Variants in UBE2D2 observed in about 807,000 individuals in gnomAD.
The protein encoded by UBE2D2 is ubiquitin conjugating enzyme E2 D2.
In UBE2D2, 2 loss-of-function variants were observed where a neutral mutation model predicts 24.2. The ratio of observed to expected loss-of-function variants is 0.08; its 90% CI spans 0.03 to 0.26. The LOEUF is 0.26. UBE2D2 is among the 10% of genes least tolerant of loss of function. The pLI, the probability that UBE2D2 is intolerant of heterozygous loss-of-function variation, is 1.00. For missense variants in UBE2D2, 44 were observed against 177.6 expected (o/e 0.25, Z 4.28); for synonymous variants, 58 against 56.5 (o/e 1.03, Z -0.12).
chr5:139,567,497 G>A (rs1463303352), intron 1 of UBE2D2, among the ~76,000 whole-genome samples: 1 of 151,028 alleles, frequency 6.6e-6, no homozygotes, highest in Non-Finnish European at 1.5e-5. Context: ...GGGATTACAG[G>A]GATGAGCCAC....
intron 1 of UBE2D2, among the ~76,000 whole-genome samples, chr5:139,566,956 C>T (rs1025791351): frequency 2.0e-5 from 3 of 150,618 alleles, no homozygotes; most frequent in African/African-American, 2.4e-5. Flanking sequence ...CATTTTTGGT[C>T]GACATCAGTT....
At chr5:139,562,787 A>AT (rs968395071) in intron 1 of UBE2D2, among the ~76,000 whole-genome samples, 15 of 151,466 alleles carry the variant, frequency 9.9e-5, no homozygotes, top group African/African-American at 2.2e-4. Context: ...CTTAAAATTT[A>AT]TTTTTTTTCC....
intron 1 of UBE2D2, among the ~76,000 whole-genome samples, chr5:139,581,660 AGTTT>A (rs576107646): frequency 8.4e-4 from 127 of 151,982 alleles, no homozygotes; most frequent in Admixed American, 2.2e-3. Context: ...AATTTTATGT[AGTTT>A]GTTTGTTTGT....
At chr5:139,613,610 T>C (rs1754367751) in intron 2 of UBE2D2, among the ~76,000 whole-genome samples, 1 of 152,228 alleles carries the variant, frequency 6.6e-6, no homozygotes, top group Non-Finnish European at 1.5e-5. Context: ...TTTTCTCTTT[T>C]TTCCTCTTTA....
chr5:139,614,436 A>T, intron 2 of UBE2D2, 150 bp from the exon 3 acceptor site: 1 of 909,240 alleles, frequency 1.1e-6, no homozygotes, highest in Non-Finnish European at 1.7e-6. Flanking sequence ...TTGTTTCTTT[A>T]GACTGTTAAT....
intron 6 of UBE2D2, 91 bp from the exon 7 acceptor site, chr5:139,626,665 C>A: frequency 1.9e-6 from 2 of 1,069,632 alleles, no homozygotes; most frequent in Non-Finnish European, 2.9e-6. Flanking sequence ...ATAAGCTACT[C>A]TCTTCAAGTT....
At chr5:139,548,193 A>AAAT (rs1752862660) in intron 1 of UBE2D2, among the ~76,000 whole-genome samples, 21 of 47,092 alleles carry the variant, frequency 4.5e-4, no homozygotes, top group South Asian at 2.6e-3. Flanking sequence ...ATAAAAAAAA[A>AAAT]AAATAAATAA....
chr5:139,570,944 C>T (rs952262934), intron 1 of UBE2D2, among the ~76,000 whole-genome samples: 3 of 152,180 alleles, frequency 2.0e-5, no homozygotes, highest in Non-Finnish European at 4.4e-5. Flanking sequence ...AGAATGGCTA[C>T]TCCCTAGGCA....
chr5:139,586,280 G>T (rs1434713913), intron 1 of UBE2D2, among the ~76,000 whole-genome samples: 1 of 151,706 alleles, frequency 6.6e-6, no homozygotes, highest in Non-Finnish European at 1.5e-5. Context: ...TGTGTAAACT[G>T]CAATTTATTG....
chr5:139,536,438 A>T (rs1405782349), intron 1 of UBE2D2, among the ~76,000 whole-genome samples: 1 of 151,902 alleles, frequency 6.6e-6, no homozygotes, highest in African/African-American at 2.4e-5. Flanking sequence ...ATCTTGGCTC[A>T]CTGCAACCTC....
At chr5:139,592,043 A>G (rs1485238818) in intron 1 of UBE2D2, among the ~76,000 whole-genome samples, 1 of 152,240 alleles carries the variant, frequency 6.6e-6, no homozygotes, top group East Asian at 1.9e-4. Flanking sequence ...CTCTACTAAA[A>G]GTACAAAAAT....
At chr5:139,589,446 G>A (rs1426597795) in intron 1 of UBE2D2, among the ~76,000 whole-genome samples, 1 of 152,092 alleles carries the variant, frequency 6.6e-6, no homozygotes, top group Non-Finnish European at 1.5e-5. Context: ...TGTAGTCCTA[G>A]CTACTTGGGA....
chr5:139,590,779 C>CTTTTTT (rs1561513230), intron 1 of UBE2D2, among the ~76,000 whole-genome samples: 2 of 55,992 alleles, frequency 3.6e-5, no homozygotes, highest in African/African-American at 6.9e-5. Context: ...ATTTTCTCTT[C>CTTTTTT]TTCTTTTTTT....
At chr5:139,532,323 C>T (rs939278243) in intron 1 of UBE2D2, among the ~76,000 whole-genome samples, 3 of 150,358 alleles carry the variant, frequency 2.0e-5, no homozygotes, top group East Asian at 1.9e-4. Context: ...AGATTACAGG[C>T]GCCTGCAACA....
chr5:139,583,499 C>T (rs182312518), intron 1 of UBE2D2, among the ~76,000 whole-genome samples: 4 of 152,232 alleles, frequency 2.6e-5, no homozygotes, highest in African/African-American at 7.2e-5. Context: ...CAGTGGCTTA[C>T]GCCTGTAATC....
chr5:139,586,353 TTTC>T (rs1170847436), intron 1 of UBE2D2, among the ~76,000 whole-genome samples: 2 of 152,216 alleles, frequency 1.3e-5, no homozygotes, highest in African/African-American at 4.8e-5. Context: ...ATAGCTGACT[TTTC>T]TTACTTAACA....
chr5:139,606,993 A>G (rs1054353371), intron 2 of UBE2D2, among the ~76,000 whole-genome samples: 7 of 151,942 alleles, frequency 4.6e-5, no homozygotes, highest in Non-Finnish European at 1.0e-4. Flanking sequence ...TTTAGTAGAG[A>G]CGGTATTTCA....
chr5:139,561,743 T>TTCCC lies in UBE2D2; in HGVS notation c.-49_-48insTCCC. ...GCTCCCTAGCCCCTTCCCCGTCCCTTCCCCGCCCCCGTCCCCGCCCCGGGG... is the reference window on the plus strand; with the variant it reads ...GCTCCCTAGCCCCTTCCCCGTCCCTTTCCCCCCCGCCCCCGTCCCCGCCCCGGGG... On this transcript the variant is annotated 5_prime_UTR_variant, in exon 1 of 7. Coordinates refer to ENST00000398733, the MANE Select transcript of UBE2D2 (RefSeq NM_003339.3). 1 of 1,349,552 alleles carries TTCCC rather than the reference T, an allele frequency of 7.4e-7. No individual in the cohort carries two copies. Among genetic ancestry groups the TTCCC allele is most frequent in the Non-Finnish European group, 9.9e-7 (1 of 1,013,122 alleles). The allele number at this position is 1,349,552 out of a possible 1,614,324, so 83.6% of individuals were successfully genotyped here.
At chr5:139,621,521 A>G (rs1301673819) in intron 5 of UBE2D2, among the ~76,000 whole-genome samples, 1 of 152,250 alleles carries the variant, frequency 6.6e-6, no homozygotes, top group African/African-American at 2.4e-5. Context: ...CTGAAAATTA[A>G]ACAAAACAAT....
Sources: gnomAD v4.1 joint callset for allele counts (sites outside exome capture counted in the v4.1 genomes callset) on GRCh38, gnomAD v4.1.1 for gene constraint, MANE v1.5 for transcripts, NCBI Gene and HGNC (gene_info 2026-07-23, HGNC 2026-07-21) for gene names.